The following METTL3 variants were observed in gnomAD, a reference collection of about 807,000 sequenced individuals.
METTL3 encodes N(6)-adenosine-methyltransferase catalytic subunit METTL3.
A neutral mutation model predicts 64.3 loss-of-function variants in METTL3; 42 were observed. The ratio of observed to expected loss-of-function variants is 0.65; its 90% confidence interval spans 0.51 to 0.84. The LOEUF (loss-of-function observed/expected upper bound fraction) is 0.84. Ranked by LOEUF, METTL3 falls within the 40% of genes least tolerant of loss-of-function variation. METTL3 has a pLI of 0.00. For synonymous variants in METTL3, 256 were observed against 263.6 expected, an observed-to-expected ratio of 0.97 and a Z score of 0.28; for missense variants, 435 against 722.3, an observed-to-expected ratio of 0.60 and a Z score of 4.56.
chr14:21,506,774 C>T (rs916951884), intron 1 of METTL3, among the ~76,000 whole-genome samples: 5 of 152,176 alleles, frequency 3.3e-5, no homozygotes, highest in Non-Finnish European at 4.4e-5. Context: ...GTAATCCCAG[C>T]ACTTTGGGAG....
intron 1 of METTL3, among the ~76,000 whole-genome samples, chr14:21,509,321 C>G (rs1046646144): frequency 1.3e-5 from 2 of 152,208 alleles, no homozygotes; most frequent in Non-Finnish European, 2.9e-5. Context: ...GCCTGGGTGA[C>G]AGAGGGAGAC....
intron 1 of METTL3, chr14:21,510,780 A>T: frequency 3.9e-6 from 1 of 255,656 alleles, no homozygotes; most frequent in South Asian, 4.8e-5. Flanking sequence ...CCAAAGCAGC[A>T]ACAAAAAGGG....
chr14:21,500,438 T>C lies in METTL3; in HGVS notation c.1304+57A>G, dbSNP rs1891533825. ...GGAAAACCCAGGATTTTATCTCCCA[T>C]TCAGTATTCACTCTTGTACTGTATC... On this transcript the variant is annotated intron_variant, in intron 6 of 10. Coordinates refer to ENST00000298717, the MANE Select transcript of METTL3 (RefSeq NM_019852.5). 4 of 1,545,346 alleles carry C rather than the reference T, an allele frequency of 2.6e-6. No homozygotes were observed. The East Asian group carries it at 6.7e-5, about 26-fold the overall frequency.
chr14:21,508,549 A>G (rs1891753724), intron 1 of METTL3, among the ~76,000 whole-genome samples: 1 of 152,198 alleles, frequency 6.6e-6, no homozygotes, highest in South Asian at 2.1e-4. Flanking sequence ...AATGACCAAG[A>G]GCAATTAGAA....
intron 10 of METTL3, 98 bp from the exon 11 acceptor site, chr14:21,498,467 A>T: frequency 9.1e-7 from 1 of 1,095,834 alleles, no homozygotes; most frequent in Non-Finnish European, 1.4e-6. Context: ...GCCTATCATC[A>T]TATCAAATAT....
At chr14:21,506,214 T>C (rs1396820718) in intron 1 of METTL3, among the ~76,000 whole-genome samples, 2 of 151,970 alleles carry the variant, frequency 1.3e-5, no homozygotes, top group Non-Finnish European at 2.9e-5. Flanking sequence ...AGAATTACCA[T>C]ATGATCTAGC....
intron 1 of METTL3, 98 bp downstream of exon 1, chr14:21,511,026 G>A (rs1891822443): frequency 1.5e-6 from 2 of 1,363,866 alleles, no homozygotes; most frequent in Non-Finnish European, 2.0e-6. Context: ...TTATAGAAAT[G>A]GCCGTTTGGT....
chr14:21,511,321 C>G lies in METTL3; in HGVS notation c.-98G>C. 2 of 1,480,872 alleles carry G rather than the reference C, an allele frequency of 1.4e-6. No homozygotes were observed. Among genetic ancestry groups the G allele is most frequent in the Non-Finnish European group, 9.0e-7 (1 of 1,110,974 alleles). The allele number at this position is 1,480,872 out of a possible 1,614,324, so 91.7% of individuals were successfully genotyped here. On this transcript the variant is annotated 5_prime_UTR_variant, in exon 1 of 11. Transcript: ENST00000298717. Reference sequence around the variant, plus strand: ...TATAGCCAATTCTCACGCGGACACCCCGAAGGCTAACCGGAAAATGACCCC... The same window carrying G: ...TATAGCCAATTCTCACGCGGACACCGCGAAGGCTAACCGGAAAATGACCCC...
chr14:21,506,739 A>C (rs1392418405), intron 1 of METTL3, among the ~76,000 whole-genome samples: 2 of 152,118 alleles, frequency 1.3e-5, no homozygotes, highest in Admixed American at 6.5e-5. Flanking sequence ...AAAAGGAAGG[A>C]GGCCAGGCAT....
In METTL3 at chr14:21,500,984, G is replaced by C. The variant is rs937245868; in HGVS notation, c.1045C>G (p.Pro349Ala). The C allele has an allele frequency of 6.2e-7, 1 of 1,614,186 alleles. No individual in the cohort carries two copies. The highest frequency in any genetic ancestry group is 1.1e-5 in the South Asian group (1 of 91,086). Residue 349 changes from proline to alanine, a missense_variant, in exon 5 of 11, where the codon CCA (proline) becomes GCA (alanine). Pro to Ala is a conservative substitution (Grantham distance 27). This residue lies in a region of METTL3 where 67 missense variants were observed against 71.5 expected (regional missense o/e 0.94). Coordinates refer to ENST00000298717, the MANE Select transcript of METTL3 (RefSeq NM_019852.5). ...SEAPGSKDHT[P>A]SQELALTQSV... ...TGTGTAAGAGCAAGCTCCTGGCTTG[G>C]CGTGTGGTCTTTGCTGCCAGGGGCC...
intron 1 of METTL3, among the ~76,000 whole-genome samples, chr14:21,506,786 C>A (rs1891708146): frequency 6.6e-6 from 1 of 152,156 alleles, no homozygotes; most frequent in South Asian, 2.1e-4. Flanking sequence ...CTTTGGGAGG[C>A]TGAGGATGGA....
rs747876082 is a variant in METTL3 at position 21,498,293 on chromosome 14, G to C, written c.1708C>G (p.Pro570Ala). 6.2e-7 allele frequency: 1 copy of C among 1,612,940 alleles called. No homozygotes were observed. Among genetic ancestry groups the C allele is most frequent in the Middle Eastern group, 1.6e-4 (1 of 6,062 alleles). ...TTAGGTTTAGAGATGATACCATCTG[G>C]GTACCTTTGCTTGAACCGTGCAACC... The part of the protein sequence containing the change: ...DVVARFKQRY[P>A]DGIISKPKNL The change falls in exon 11 of 11, where the codon CCA (proline) becomes GCA (alanine). Residue 570 changes from proline (P) to alanine (A), a missense_variant. Physicochemically the swap from Pro to Ala is conservative, Grantham distance 27. Coordinates refer to ENST00000298717, the MANE Select transcript of METTL3 (RefSeq NM_019852.5).
chr14:21,501,136 AAAT>A lies in METTL3; in HGVS notation c.900-10_900-8del. ...GTGTTTATTGATAATTCGTCTGGGA[AAAT>A]AAAAAGGGAGAATCAAGATGGTGCT... On this transcript the variant is annotated splice_polypyrimidine_tract_variant and splice_region_variant and intron_variant, in intron 4 of 10. Coordinates refer to ENST00000298717, the MANE Select transcript of METTL3 (RefSeq NM_019852.5). 1 of 1,605,670 alleles carries A rather than the reference AAAT, an allele frequency of 6.2e-7. No individual in the cohort carries two copies. The highest frequency in any genetic ancestry group is 1.3e-5 in the African/African-American group (1 of 74,820).
rs1555327248 is a variant in METTL3, at chr14:21,511,269, T to C, written c.-46A>G. 3.1e-6 allele frequency: 5 copies of C among 1,590,264 alleles called. No homozygotes were observed. The highest frequency in any genetic ancestry group is 3.4e-6 in the Non-Finnish European group (4 of 1,168,762). ...ACCTCTCGAATAAGGCGCGGCGGAC[T>C]AGCACCTCCCAGCACTCGCTCCAGG... is the stretch of plus-strand genomic sequence containing the variant. On this transcript the variant is annotated 5_prime_UTR_variant, in exon 1 of 11. Transcript: ENST00000298717.
At chr14:21,510,756 G>GT (rs1891813449) in intron 1 of METTL3, 2 of 235,796 alleles carry the variant, frequency 8.5e-6, no homozygotes. Flanking sequence ...CGTTATAACT[G>GT]AGGGAACAAA....
intron 1 of METTL3, 97 bp from the exon 2 acceptor site, chr14:21,503,978 T>A: frequency 8.8e-7 from 1 of 1,133,122 alleles, no homozygotes; most frequent in East Asian, 2.5e-5. Context: ...TACACAGATC[T>A]TTCATTTTGT....
At chr14:21,502,972 C>A (rs1269598780) in intron 3 of METTL3, 4 of 599,856 alleles carry the variant, frequency 6.7e-6, no homozygotes, top group African/African-American at 1.9e-5. Flanking sequence ...TCTACCCCCA[C>A]TAGATGCCAA....
rs1312793001 is a variant in METTL3, at chr14:21,510,814, G to C, written c.100+310C>G. The C allele has an allele frequency of 1.6e-5, 5 of 318,180 alleles. No homozygotes were observed. The East Asian group carries it at 2.7e-4, about 17-fold the overall frequency. The allele number at this position is 318,180 out of a possible 1,614,324, so 19.7% of individuals were successfully genotyped here. On this transcript the variant is annotated intron_variant, in intron 1 of 10. Transcript: ENST00000298717. Reference sequence around the variant, plus strand: ...GGGTTCTTGCTGCTTCGCGGGATAGGGGGCTGAGCAGCCTCACAAAGGCGA... The same window carrying C: ...GGGTTCTTGCTGCTTCGCGGGATAGCGGGCTGAGCAGCCTCACAAAGGCGA...
chr14:21,502,011 ACT>A, intron 3 of METTL3, 108 bp from the exon 4 acceptor site: 4 of 725,548 alleles, frequency 5.5e-6, no homozygotes, highest in Non-Finnish European at 8.1e-6. Flanking sequence ...AGATAAATCA[ACT>A]TTTTTTTTTT....
Sources: gnomAD v4.1 joint callset for allele counts (sites outside exome capture counted in the v4.1 genomes callset) on GRCh38, gnomAD v4.1.1 for gene constraint, gnomAD v4.1.1 regional missense constraint, MANE v1.5 for transcripts, NCBI Gene and HGNC (gene_info 2026-07-23, HGNC 2026-07-21) for gene names.